Variants in DMXL1 observed in about 807,000 individuals in gnomAD.
DMXL1 encodes dmX-like protein 1.
In DMXL1, 99 loss-of-function variants were observed where a neutral mutation model predicts 319.2. That is an observed-to-expected ratio of 0.31 (90% CI 0.26 to 0.37). The LOEUF is 0.37. DMXL1 is among the 10% of genes least tolerant of loss of function. DMXL1 has a pLI of 1.00. For synonymous variants in DMXL1, 1,385 were observed against 1,235.2 expected (o/e 1.12, Z -2.54); for missense variants, 3,745 against 3,595.6 (o/e 1.04, Z -1.06).
chr5:119,111,094 A>G (rs528090943), intron 5 of DMXL1, among the ~76,000 whole-genome samples: 15 of 152,308 alleles, frequency 9.8e-5, no homozygotes, highest in African/African-American at 3.1e-4. Context: ...CAGCCTTAAG[A>G]TAGTCTTTTA....
chr5:119,111,405 G>A (rs1242460752), intron 5 of DMXL1, among the ~76,000 whole-genome samples: 1 of 152,062 alleles, frequency 6.6e-6, no homozygotes, highest in Non-Finnish European at 1.5e-5. Flanking sequence ...ATGTTGAAAT[G>A]ATGTTTTTAT....
At chr5:119,195,754 A>G (rs1654425860) in intron 30 of DMXL1, among the ~76,000 whole-genome samples, 1 of 152,204 alleles carries the variant, frequency 6.6e-6, no homozygotes, top group Non-Finnish European at 1.5e-5. Flanking sequence ...CCATTAAAAA[A>G]TTACTAAAAA....
chr5:119,110,390 T>C, intron 5 of DMXL1, 107 bp downstream of exon 5: 1 of 1,044,614 alleles, frequency 9.6e-7, no homozygotes, highest in Non-Finnish European at 1.3e-6. Context: ...AAAGTATTGA[T>C]TTTTAGTCTA....
At chr5:119,145,243 T>C (rs1768254650) in intron 15 of DMXL1, among the ~76,000 whole-genome samples, 1 of 151,810 alleles carries the variant, frequency 6.6e-6, no homozygotes, top group South Asian at 2.1e-4. Context: ...GTTATCAAGA[T>C]TCATATGTTA....
chr5:119,136,864 G>A (rs552736766), intron 13 of DMXL1, among the ~76,000 whole-genome samples: 3 of 152,380 alleles, frequency 2.0e-5, no homozygotes, highest in East Asian at 1.9e-4. Context: ...CGGCAGGGGC[G>A]AAGCCCTCAT....
chr5:119,108,945 G>C (rs1758953905), intron 4 of DMXL1, among the ~76,000 whole-genome samples: 1 of 151,974 alleles, frequency 6.6e-6, no homozygotes, highest in African/African-American at 2.4e-5. Context: ...GGGTTTACAG[G>C]CATGCTCCAC....
intron 33 of DMXL1, among the ~76,000 whole-genome samples, chr5:119,205,562 C>G (rs1334466697): frequency 1.3e-5 from 2 of 151,336 alleles, no homozygotes; most frequent in Non-Finnish European, 2.9e-5. Context: ...CTATAATAGC[C>G]CTTACTTTGC....
intron 13 of DMXL1, among the ~76,000 whole-genome samples, chr5:119,140,781 A>G (rs1034177030): frequency 6.6e-6 from 1 of 152,098 alleles, no homozygotes; most frequent in Non-Finnish European, 1.5e-5. Context: ...CCTGATACCA[A>G]AACCTGGCAG....
At chr5:119,212,098 C>G (rs1313587444) in intron 34 of DMXL1, among the ~76,000 whole-genome samples, 1 of 152,070 alleles carries the variant, frequency 6.6e-6, no homozygotes, top group East Asian at 1.9e-4. Context: ...TGTAAAGCAG[C>G]CCAGTGGCCA....
Position 119,167,696 on chromosome 5 carries a change from A to G in DMXL1, c.5230A>G (p.Ile1744Val), listed in dbSNP as rs754129091. 14 of 1,613,428 alleles carry G rather than the reference A, an allele frequency of 8.7e-6. No homozygotes were observed. Among genetic ancestry groups the G allele is most frequent in the South Asian group, 2.2e-5 (2 of 91,040 alleles). The change falls in exon 23 of 44, where the codon ATT becomes GTT. Residue 1744 changes from isoleucine (I) to valine (V), a missense_variant. Transcript: ENST00000539542. ...EFDTSAAYKSILRKKVLGIDS... is the reference protein window; with the variant it reads ...EFDTSAAYKSVLRKKVLGIDS... ...TGATACATCTGCAGCATATAAATCT[A>G]TTTTACGTAAAAAAGTTTTGGGAAT...
At chr5:119,244,611 G>A (rs368545273) in intron 43 of DMXL1, 35 bp downstream of exon 43, 211 of 1,496,168 alleles carry the variant, frequency 1.4e-4, no homozygotes, top group Non-Finnish European at 1.8e-4. Flanking sequence ...TCTACAAAAT[G>A]AAATCTTCAG....
chr5:119,122,625 A>G (rs1464579370), intron 9 of DMXL1, among the ~76,000 whole-genome samples: 2 of 134,640 alleles, frequency 1.5e-5, no homozygotes, highest in African/African-American at 5.7e-5. Flanking sequence ...CACTTCTCAG[A>G]CGGGGCGGCC....
At chr5:119,210,932 TG>T (rs1206855811) in intron 34 of DMXL1, among the ~76,000 whole-genome samples, 1 of 151,678 alleles carries the variant, frequency 6.6e-6, no homozygotes, top group Non-Finnish European at 1.5e-5. Flanking sequence ...TTTATAAGTT[TG>T]AGGACGTTTC....
intron 30 of DMXL1, among the ~76,000 whole-genome samples, chr5:119,195,684 G>A (rs1024972288): frequency 1.3e-5 from 2 of 152,110 alleles, no homozygotes; most frequent in African/African-American, 4.8e-5. Context: ...TGTACTTAAT[G>A]CCCCTGAACT....
intron 19 of DMXL1, among the ~76,000 whole-genome samples, chr5:119,161,805 AT>A (rs1362480755): frequency 1.1e-4 from 17 of 152,210 alleles, no homozygotes; most frequent in Admixed American, 1.1e-3. Context: ...GCCAGGTTGA[AT>A]TTTTTACCAT....
chr5:119,098,335 AC>A, intron 2 of DMXL1, among the ~76,000 whole-genome samples: 1 of 152,342 alleles, frequency 6.6e-6, no homozygotes, highest in East Asian at 1.9e-4. Context: ...TACAATACTT[AC>A]TGATATAGAA....
Position 119,247,260 on chromosome 5 carries a change from A to G in DMXL1, c.*41A>G, listed in dbSNP as rs764277951. 2.2e-6 allele frequency: 3 copies of G among 1,372,770 alleles called. No individual in the cohort carries two copies. Among genetic ancestry groups the G allele is most frequent in the Non-Finnish European group, 1.0e-6 (1 of 976,956 alleles). The allele number at this position is 1,372,770 out of a possible 1,614,324, so 85.0% of individuals were successfully genotyped here. A position where few individuals can be genotyped will look rare whatever the true frequency, so the allele number is the denominator to read the frequency against. ...ATGTACAATTTATTACCTATATGGA[A>G]GTGGCCAACAGATATAATATACAGT... On this transcript the variant is annotated 3_prime_UTR_variant, in exon 44 of 44. Coordinates refer to ENST00000539542, the MANE Select transcript of DMXL1 (RefSeq NM_001290321.3).
At chr5:119,169,854 G>C (rs1774194876) in intron 23 of DMXL1, among the ~76,000 whole-genome samples, 1 of 152,088 alleles carries the variant, frequency 6.6e-6, no homozygotes, top group Non-Finnish European at 1.5e-5. Flanking sequence ...AAGATGAGGA[G>C]GACTAGCAAA....
chr5:119,202,678 C>G (rs888445053), intron 32 of DMXL1, among the ~76,000 whole-genome samples: 2 of 151,600 alleles, frequency 1.3e-5, no homozygotes, highest in African/African-American at 4.9e-5. Context: ...TGGTGAAACC[C>G]TGTCTCTACT....
Sources: allele counts gnomAD v4.1 joint callset (sites outside exome capture counted in the v4.1 genomes callset), GRCh38; gene constraint gnomAD v4.1.1; transcripts MANE v1.5; gene names NCBI Gene and HGNC (gene_info 2026-07-23, HGNC 2026-07-21).